The following SIN3B variants were observed in gnomAD, a reference collection of about 807,000 sequenced individuals.
The protein encoded by SIN3B is SIN3 transcription regulator family member B.
Under a neutral mutation model 120.2 loss-of-function variants are expected in SIN3B, and 19 were observed. That is an observed-to-expected ratio of 0.16 (90% CI 0.11 to 0.23). The LOEUF (loss-of-function observed/expected upper bound fraction) is 0.23, where lower values mean the gene tolerates loss of function less well. SIN3B is among the 10% of genes least tolerant of loss of function. The pLI, the probability that SIN3B is intolerant of heterozygous loss-of-function variation, is 1.00. For missense variants in SIN3B, 1,073 were observed against 1,573.0 expected (o/e 0.68, Z 5.38); for synonymous variants, 654 against 653.2 (o/e 1.00, Z -0.02).
Position 16,854,221 on chromosome 19 carries a change from T to C in SIN3B, c.1018T>C (p.Ser340Pro). The change falls in exon 8 of 19, where the codon TCT becomes CCT. Residue 340 changes from serine (S) to proline (P), a missense_variant. By Grantham distance (74) the Ser-to-Pro change is moderately conservative. Around this residue, in one of 7 missense-constraint regions of SIN3B, gnomAD observed 395 missense variants for 528.0 expected, o/e 0.75. Coordinates refer to ENST00000248054, the MANE Select transcript of SIN3B (RefSeq NM_001297595.2). The stretch of plus-strand genomic sequence containing the variant: ...CGCACTCTTCAACCAGGAGCTGGTG[T>C]CTGGCTCTGAGCTCCTGCAGCTCGT... ...CIALFNQELV[S>P]GSELLQLVSP... 1 of 1,613,026 alleles carries C rather than the reference T, an allele frequency of 6.2e-7. No homozygotes were observed. Among genetic ancestry groups the C allele is most frequent in the Non-Finnish European group, 8.5e-7 (1 of 1,179,912 alleles).
At chr19:16,842,047 G>T in intron 4 of SIN3B, 79 bp downstream of exon 4, 1 of 1,194,872 alleles carries the variant, frequency 8.4e-7, no homozygotes, top group Non-Finnish European at 1.2e-6. Context: ...AGATTTTCTT[G>T]TCGGAATTCA....
chr19:16,863,095 C>T, intron 9 of SIN3B: 1 of 779,072 alleles, frequency 1.3e-6, no homozygotes, highest in Non-Finnish European at 2.2e-6. Context: ...CTTTTCTCAC[C>T]ACAAAGGCAG....
rs546482384 is a variant in SIN3B at position 16,829,997 on chromosome 19, G to C, written c.227+100G>C. The C allele has an allele frequency of 4.4e-5, 34 of 770,644 alleles. No individual in the cohort carries two copies. The South Asian group carries it at 4.4e-4, about 10-fold the overall frequency. The allele number at this position is 770,644 out of a possible 1,614,324, so 47.7% of individuals were successfully genotyped here. On this transcript the variant is annotated intron_variant, in intron 2 of 18. Transcript: ENST00000248054. ...CTCTCCAGCCTGCCCCCTTAGCCGG[G>C]TGACCTTGCGCAGGTTGTCCAATCT...
rs181307900 is a variant in SIN3B, at chr19:16,830,548, G to A, written c.227+651G>A. ...GGGTAAGGGACCCACCTAAGTGGCA[G>A]AGGTGTCACTAGAACTCAGACCCTC... is the stretch of plus-strand genomic sequence containing the variant. On this transcript the variant is annotated intron_variant, in intron 2 of 18. Transcript: ENST00000248054. 3.1e-3 allele frequency among the ~76,000 whole-genome samples: 469 copies of A among 152,316 alleles called. 5 individuals are homozygous for A. The highest frequency in any genetic ancestry group is 0.011 in the African/African-American group (447 of 41,562).
chr19:16,874,388 TTGGTC>T (rs1359186174), intron 14 of SIN3B, among the ~76,000 whole-genome samples: 2 of 147,118 alleles, frequency 1.4e-5, no homozygotes, highest in Non-Finnish European at 3.1e-5. Flanking sequence ...TTGGTCTGGT[TTGGTC>T]TGGTCTGGTC....
Position 16,873,742 on chromosome 19 carries a change from G to T in SIN3B, c.2593-2313G>T, listed in dbSNP as rs555112895. 2.6e-5 allele frequency among the ~76,000 whole-genome samples: 4 copies of T among 152,336 alleles called. No homozygotes were observed. In the South Asian group the frequency reaches 6.2e-4, roughly 24 times the overall value. On this transcript the variant is annotated intron_variant, in intron 14 of 18. Transcript: ENST00000248054. Reference sequence around the variant, plus strand: ...GGAGCTGTAGTGAGAGCCACATGCTGCCCTGCTGTCCCAGCTGTGGCTGCA... The same window carrying T: ...GGAGCTGTAGTGAGAGCCACATGCTTCCCTGCTGTCCCAGCTGTGGCTGCA...
At chr19:16,846,842 C>A in intron 4 of SIN3B, 128 bp from the exon 5 acceptor site, 3 of 993,714 alleles carry the variant, frequency 3.0e-6, no homozygotes, top group Non-Finnish European at 4.5e-6. Flanking sequence ...GCAGACAGGA[C>A]CCTGCGGGCA....
At position 16,876,255 on chromosome 19, in the gene SIN3B, A is replaced by T; in HGVS notation, c.2766+27A>T. 1 of 1,594,694 alleles carries T rather than the reference A, an allele frequency of 6.3e-7. No individual in the cohort carries two copies. Among genetic ancestry groups the T allele is most frequent in the Non-Finnish European group, 8.6e-7 (1 of 1,168,020 alleles). ...TGAGAGGAGGCCTGGGGCTGGGAACACGCCGGGAGGCCCGGCCGCTCACTC... is the reference window on the plus strand; with the variant it reads ...TGAGAGGAGGCCTGGGGCTGGGAACTCGCCGGGAGGCCCGGCCGCTCACTC... On this transcript the variant is annotated intron_variant, in intron 15 of 18. Transcript: ENST00000248054. The surrounding 1 kb of genome is among the most constrained non-coding windows in gnomAD (Gnocchi z 7.1).
rs1441750329 is a variant in SIN3B, at chr19:16,853,193, C to T, written c.939+35C>T. On this transcript the variant is annotated intron_variant, in intron 7 of 18. Coordinates refer to ENST00000248054, the MANE Select transcript of SIN3B (RefSeq NM_001297595.2). ...GGCCCTGGCTTCCATCTTGGGGATG[C>T]CATGTCCAGCTGGCTGGGCCAATGC... 22 of 1,588,084 alleles carry T rather than the reference C, an allele frequency of 1.4e-5. No homozygotes were observed. The Admixed American group carries it at 3.7e-4, about 27-fold the overall frequency.
chr19:16,835,972 G>T (rs1012083986), intron 3 of SIN3B, among the ~76,000 whole-genome samples: 3 of 152,090 alleles, frequency 2.0e-5, no homozygotes, highest in African/African-American at 2.4e-5. Flanking sequence ...TTTCTAGTTT[G>T]ACTGTTTTGA....
intron 7 of SIN3B, among the ~76,000 whole-genome samples, chr19:16,853,707 C>T (rs955694221): frequency 4.7e-5 from 7 of 149,294 alleles, no homozygotes; most frequent in East Asian, 2.0e-4. Flanking sequence ...ATCGCGTGCA[C>T]GGGCTGCGTG....
chr19:16,878,203 G>A lies in SIN3B; in HGVS notation c.2975G>A (p.Arg992His), dbSNP rs777910155. The change falls in exon 18 of 19, where the codon CGC becomes CAC. Residue 992 changes from arginine to histidine, a missense_variant. By Grantham distance (29) the Arg-to-His change is conservative. Around this residue, in one of 7 missense-constraint regions of SIN3B, gnomAD observed 311 missense variants for 400.3 expected, o/e 0.78. Transcript: ENST00000248054. Reference protein sequence around the residue: ...FLQRNLKKFRRRWQSEQARAL... With the variant: ...FLQRNLKKFRHRWQSEQARAL... ...CCCAGGAACCTCAAGAAGTTCCGCC[G>A]CCGGTGGCAGAGCGAGCAGGCGCGG... 3.0e-5 allele frequency: 47 copies of A among 1,581,656 alleles called. No homozygotes were observed. The highest frequency in any genetic ancestry group is 2.8e-5 in the Non-Finnish European group (33 of 1,161,654).
Position 16,871,416 on chromosome 19 carries a change from G to A in SIN3B, c.2592+18G>A. On this transcript the variant is annotated intron_variant, in intron 14 of 18. Coordinates refer to ENST00000248054, the MANE Select transcript of SIN3B (RefSeq NM_001297595.2). ...CGCGGCAGGTGAGCCGGGCCGGGGT[G>A]GGGCCGGCCCTGAGGACGGCGGAAA... is the stretch of plus-strand genomic sequence containing the variant. 1 of 1,587,914 alleles carries A rather than the reference G, an allele frequency of 6.3e-7. No homozygotes were observed.
intron 5 of SIN3B, among the ~76,000 whole-genome samples, chr19:16,849,174 G>A (rs371287515): frequency 6.6e-6 from 1 of 152,220 alleles, no homozygotes; most frequent in African/African-American, 2.4e-5. Context: ...TATTAAAACT[G>A]TAGGAAAAAG....
intron 8 of SIN3B, among the ~76,000 whole-genome samples, chr19:16,856,291 T>G (rs764968955): frequency 7.2e-5 from 11 of 152,070 alleles, no homozygotes; most frequent in Non-Finnish European, 1.3e-4. Flanking sequence ...GGGAGCCAGC[T>G]GGGGCCAGTG....
At chr19:16,870,269 C>T (rs576173165) in intron 13 of SIN3B, among the ~76,000 whole-genome samples, 194 bp downstream of exon 13, 55 of 152,360 alleles carry the variant, frequency 3.6e-4, no homozygotes, top group African/African-American at 1.1e-3. Context: ...CGCCCAGGCT[C>T]CCCTGGCCGT....
rs912685699 is a variant in SIN3B at position 16,829,417 on chromosome 19, G to A, written c.-4G>A. The A allele has an allele frequency of 1.7e-6, 2 of 1,204,350 alleles. No homozygotes were observed. The highest frequency in any genetic ancestry group is 2.1e-6 in the Non-Finnish European group (2 of 970,102). The allele number at this position is 1,204,350 out of a possible 1,614,324, so 74.6% of individuals were successfully genotyped here. A position where few individuals can be genotyped will look rare whatever the true frequency, so the allele number is the denominator to read the frequency against. On this transcript the variant is annotated 5_prime_UTR_variant, in exon 1 of 19. Transcript: ENST00000248054. ...CGGGGCGGGGCGCAGCTCCGACTTC[G>A]GACATGGCGCACGCTGGCGGTGGCA...
At chr19:16,866,143 G>C (rs1018362252) in intron 11 of SIN3B, among the ~76,000 whole-genome samples, 10 of 152,202 alleles carry the variant, frequency 6.6e-5, no homozygotes, top group African/African-American at 2.4e-4. Context: ...AGAGTGCTGG[G>C]TGCCAGGGAG....
intron 3 of SIN3B, among the ~76,000 whole-genome samples, chr19:16,834,971 C>T (rs1473953296): frequency 6.6e-6 from 1 of 150,638 alleles, no homozygotes; most frequent in East Asian, 1.9e-4. Flanking sequence ...TCTTTACCCA[C>T]GCTGGAGTGC....
Sources: allele counts gnomAD v4.1 joint callset (sites outside exome capture counted in the v4.1 genomes callset), GRCh38; gene constraint gnomAD v4.1.1; regional missense constraint gnomAD v4.1.1; non-coding constraint Gnocchi (gnomAD v3.1); transcripts MANE v1.5; gene names NCBI Gene and HGNC (gene_info 2026-07-23, HGNC 2026-07-21).